SLC9A9: variants seen among roughly 807,000 people sequenced by gnomAD.
SLC9A9 encodes the protein solute carrier family 9 member A9.
A neutral mutation model predicts 77.8 loss-of-function variants in SLC9A9; 62 were observed. The observed-to-expected ratio is 0.80, with a 90% CI of 0.65 to 0.98. The LOEUF (loss-of-function observed/expected upper bound fraction) is 0.98, where lower values mean the gene tolerates loss of function less well. Ranked by LOEUF, SLC9A9 falls within the 50% of genes least tolerant of loss-of-function variation. The probability of loss-of-function intolerance (pLI) is 0.00; values close to 1 mark genes in which losing one functional copy is unlikely to be tolerated. For synonymous variants in SLC9A9, 320 were observed against 283.5 expected, an observed-to-expected ratio of 1.13 and a Z score of -1.29; for missense variants, 775 against 774.9, an observed-to-expected ratio of 1.00 and a Z score of 0.00.
At chr3:143,711,956 G>A (rs1197289526) in intron 4 of SLC9A9, among the ~76,000 whole-genome samples, 1 of 152,146 alleles carries the variant, frequency 6.6e-6, no homozygotes, top group Non-Finnish European at 1.5e-5. Context: ...CAATCACCTA[G>A]TTATCTGCTC....
At chr3:143,271,071 A>G (rs530053486) in intron 14 of SLC9A9, among the ~76,000 whole-genome samples, 1 of 152,120 alleles carries the variant, frequency 6.6e-6, no homozygotes, top group South Asian at 2.1e-4. Context: ...TACTGTCTAC[A>G]CTACTTGCCC....
chr3:143,796,708 T>A lies in SLC9A9; in HGVS notation c.456+118A>T, dbSNP rs73869163. 2,773 of 693,960 alleles carry A rather than the reference T, an allele frequency of 4.0e-3. 51 individuals are homozygous for A. In the African/African-American group the frequency reaches 0.045, roughly 11 times the overall value. 43.0% of individuals were successfully genotyped at this position (693,960 alleles called of 1,614,324 possible). ...GTCAGGTTTGAATCTGCATCACAAA[T>A]TTAAGATAATGATACTCTTACCAAA... is the stretch of plus-strand genomic sequence containing the variant. On this transcript the variant is annotated intron_variant, in intron 3 of 15. Coordinates refer to ENST00000316549, the MANE Select transcript of SLC9A9 (RefSeq NM_173653.4).
intron 3 of SLC9A9, among the ~76,000 whole-genome samples, chr3:143,796,011 C>T (rs186999256): frequency 1.3e-5 from 2 of 152,082 alleles, no homozygotes; most frequent in African/African-American, 2.4e-5. Flanking sequence ...GATGACTGCT[C>T]AAGAGGAAGA....
At chr3:143,769,492 C>A (rs1422700971) in intron 4 of SLC9A9, among the ~76,000 whole-genome samples, 1 of 152,136 alleles carries the variant, frequency 6.6e-6, no homozygotes, top group East Asian at 1.9e-4. Flanking sequence ...GAAACAAAAG[C>A]AAAGCCAGAG....
At chr3:143,716,951 A>G (rs1934369165) in intron 4 of SLC9A9, among the ~76,000 whole-genome samples, 1 of 152,148 alleles carries the variant, frequency 6.6e-6, no homozygotes, top group Non-Finnish European at 1.5e-5. Context: ...TGGGCAAAGG[A>G]GGAAGGGCAA....
chr3:143,376,900 C>T (rs1393469378), intron 13 of SLC9A9, among the ~76,000 whole-genome samples: 2 of 152,128 alleles, frequency 1.3e-5, no homozygotes, highest in African/African-American at 2.4e-5. Flanking sequence ...TTTTGAGACT[C>T]GTATTCTATT....
chr3:143,408,945 A>G (rs1444647714), intron 12 of SLC9A9, among the ~76,000 whole-genome samples: 1 of 152,240 alleles, frequency 6.6e-6, no homozygotes, highest in Non-Finnish European at 1.5e-5. Context: ...GCATAAAAAT[A>G]AAAGGAAAAG....
At chr3:143,698,045 A>C (rs1355695009) in intron 4 of SLC9A9, 2 of 152,266 alleles carry the variant, frequency 1.3e-5, no homozygotes, top group Non-Finnish European at 2.9e-5. Flanking sequence ...AGGCTAAAAA[A>C]TGAAGCCACC....
chr3:143,475,295 C>G (rs73008862), intron 11 of SLC9A9, among the ~76,000 whole-genome samples: 1 of 151,662 alleles, frequency 6.6e-6, no homozygotes, highest in African/African-American at 2.4e-5. Context: ...TGATCACCAT[C>G]GGAAATGATC....
Position 143,375,661 on chromosome 3 carries a change from G to T in SLC9A9, c.1524+6399C>A, listed in dbSNP as rs185472065. On this transcript the variant is annotated intron_variant, in intron 13 of 15. Transcript: ENST00000316549. ...CAGACACATGAGCAAGCCTAGCTCA[G>T]ATCAGCAGTTATCTAGCAAATTGTA... is the stretch of plus-strand genomic sequence containing the variant. Among the ~76,000 whole-genome samples, 134 of 152,258 alleles carry T rather than the reference G, an allele frequency of 8.8e-4. 1 individual carries two copies. The highest frequency in any genetic ancestry group is 3.1e-3 in the African/African-American group (127 of 41,542).
At position 143,832,582 on chromosome 3, in the gene SLC9A9, G is replaced by A. The variant is rs539962594; in HGVS notation, c.176-361C>T. 7.8e-4 allele frequency among the ~76,000 whole-genome samples: 118 copies of A among 152,108 alleles called. 1 individual carries two copies. The highest frequency in any genetic ancestry group is 1.5e-3 in the Non-Finnish European group (101 of 67,990). On this transcript the variant is annotated intron_variant, in intron 1 of 15. Transcript: ENST00000316549. ...CTAATCAGGAGATGGAATTCCCCTG[G>A]GAGTGTTTCTGGTCCACAGATTAGC...
intron 8 of SLC9A9, among the ~76,000 whole-genome samples, chr3:143,559,735 A>G (rs1376828611): frequency 6.6e-6 from 1 of 152,218 alleles, no homozygotes; most frequent in African/African-American, 2.4e-5. Context: ...TTGTTACCAT[A>G]TCTTCTACTC....
chr3:143,752,856 T>C (rs547796148), intron 4 of SLC9A9, among the ~76,000 whole-genome samples: 1 of 152,248 alleles, frequency 6.6e-6, no homozygotes, highest in East Asian at 1.9e-4. Context: ...AAGTGGCTCC[T>C]TAGAGACATA....
At chr3:143,765,031 CT>C (rs2007263778) in intron 4 of SLC9A9, among the ~76,000 whole-genome samples, 1 of 147,652 alleles carries the variant, frequency 6.8e-6, no homozygotes, top group Non-Finnish European at 1.5e-5. Flanking sequence ...CTTTCTTTCT[CT>C]CTTTCTCTTT....
chr3:143,664,511 T>C (rs887595477), intron 5 of SLC9A9, among the ~76,000 whole-genome samples: 2 of 152,038 alleles, frequency 1.3e-5, no homozygotes, highest in African/African-American at 2.4e-5. Flanking sequence ...GGCTAAATGC[T>C]CCAATTAAAA....
intron 9 of SLC9A9, among the ~76,000 whole-genome samples, chr3:143,552,114 G>T (rs1405843649): frequency 3.3e-5 from 5 of 152,126 alleles, no homozygotes; most frequent in Admixed American, 3.3e-4. Context: ...TCATCTTTAA[G>T]ACTGACAGTC....
At chr3:143,789,093 C>A (rs1009954563) in intron 4 of SLC9A9, among the ~76,000 whole-genome samples, 1 of 152,086 alleles carries the variant, frequency 6.6e-6, no homozygotes, top group Non-Finnish European at 1.5e-5. Context: ...TCAGCACATC[C>A]ACTGTTAGGT....
chr3:143,456,021 T>TCA (rs1318876377), intron 12 of SLC9A9, among the ~76,000 whole-genome samples: 83 of 152,186 alleles, frequency 5.5e-4, no homozygotes, highest in African/African-American at 2.0e-3. Flanking sequence ...CTTTTCACTA[T>TCA]TAAATATGAT....
At chr3:143,776,436 T>C (rs1340181929) in intron 4 of SLC9A9, among the ~76,000 whole-genome samples, 1 of 152,170 alleles carries the variant, frequency 6.6e-6, no homozygotes, top group South Asian at 2.1e-4. Flanking sequence ...AGTGAGAAAA[T>C]ATTAAATCTA....
Sources: allele counts gnomAD v4.1 joint callset (sites outside exome capture counted in the v4.1 genomes callset), GRCh38; gene constraint gnomAD v4.1.1; transcripts MANE v1.5; gene names NCBI Gene and HGNC (gene_info 2026-07-23, HGNC 2026-07-21).